UMPS: variants seen among roughly 807,000 people sequenced by gnomAD.
The protein encoded by UMPS is uridine monophosphate synthetase, also known as uridine 5'-monophosphate synthase.
Under a neutral mutation model 38.9 loss-of-function variants are expected in UMPS, and 21 were observed. The ratio of observed to expected loss-of-function variants is 0.54; its 90% confidence interval spans 0.38 to 0.78. UMPS has a LOEUF of 0.78. Among genes scored for constraint, UMPS ranks in the 30% least tolerant of loss-of-function variants. The pLI, the probability that UMPS is intolerant of heterozygous loss-of-function variation, is 0.00. For synonymous variants in UMPS, 208 were observed against 219.3 expected (o/e 0.95, Z 0.45); for missense variants, 533 against 591.6 (o/e 0.90, Z 1.03).
Position 124,746,218 on chromosome 3 carries a change from A to G in UMPS, c.*2134A>G, listed in dbSNP as rs1368789550. ...ATTTCACAGGACCCCTGCTAAGGTGATTTGAGGGGAAATGAGAGGAGGCTC... is the reference window on the plus strand; with the variant it reads ...ATTTCACAGGACCCCTGCTAAGGTGGTTTGAGGGGAAATGAGAGGAGGCTC... On this transcript the variant is annotated 3_prime_UTR_variant, in exon 6 of 6. Coordinates refer to ENST00000232607, the MANE Select transcript of UMPS (RefSeq NM_000373.4). 2.2e-6 allele frequency: 1 copy of G among 453,944 alleles called. No homozygotes were observed. Among genetic ancestry groups the G allele is most frequent in the Non-Finnish European group, 4.4e-6 (1 of 226,786 alleles). The allele number at this position is 453,944 out of a possible 1,614,324, so 28.1% of individuals were successfully genotyped here. A position where few individuals can be genotyped will look rare whatever the true frequency, so the allele number is the denominator to read the frequency against.
intron 4 of UMPS, among the ~76,000 whole-genome samples, chr3:124,741,769 C>T (rs138658615): frequency 1.5e-3 from 234 of 151,998 alleles, no homozygotes; most frequent in Non-Finnish European, 2.8e-3. Flanking sequence ...TGGTTTATTG[C>T]GGGAAGGGAA....
At position 124,747,055 on chromosome 3, in the gene UMPS, T is replaced by C. The variant is rs1245157837; in HGVS notation, c.*2971T>C. 2 of 453,844 alleles carry C rather than the reference T, an allele frequency of 4.4e-6. No homozygotes were observed. The highest frequency in any genetic ancestry group is 1.4e-4 in the East Asian group (2 of 14,382). 28.1% of individuals were successfully genotyped at this position (453,844 alleles called of 1,614,324 possible). The stretch of plus-strand genomic sequence containing the variant: ...AGGGTCTTCACTCTGTTGCCCAGGC[T>C]GGAGTATATCATGGCTCACTGCAAC... On this transcript the variant is annotated 3_prime_UTR_variant, in exon 6 of 6. Transcript: ENST00000232607.
Position 124,749,199 on chromosome 3 carries a change from ATGT to A in UMPS, c.*5118_*5120del, listed in dbSNP as rs777004495. The A allele has an allele frequency of 6.6e-6, 3 of 454,000 alleles. No homozygotes were observed. The highest frequency in any genetic ancestry group is 4.7e-5 in the South Asian group (3 of 64,462). 28.1% of individuals were successfully genotyped at this position (454,000 alleles called of 1,614,324 possible). A position where few individuals can be genotyped will look rare whatever the true frequency, so the allele number is the denominator to read the frequency against. On this transcript the variant is annotated 3_prime_UTR_variant, in exon 6 of 6. Coordinates refer to ENST00000232607, the MANE Select transcript of UMPS (RefSeq NM_000373.4). ...TGAATAGATACTTGAAGCAGAGATG[ATGT>A]TGAGTTAAAAAAAATATATACATAA...
In UMPS at chr3:124,748,470, AAGTTCAAGGTTTTGGC is replaced by A. The variant is rs1319394538; in HGVS notation, c.*4388_*4403del. 2.2e-6 allele frequency: 1 copy of A among 453,784 alleles called. No homozygotes were observed. Among genetic ancestry groups the A allele is most frequent in the Non-Finnish European group, 4.4e-6 (1 of 226,752 alleles). 28.1% of individuals were successfully genotyped at this position (453,784 alleles called of 1,614,324 possible). A position where few individuals can be genotyped will look rare whatever the true frequency, so the allele number is the denominator to read the frequency against. ...TAATTAGAATATTTTTTAACTTCTAAAGTTCAAGGTTTTGGCATAAGTCTGGTTTAGAAGCACATTT... is the reference window on the plus strand; with the variant it reads ...TAATTAGAATATTTTTTAACTTCTAAATAAGTCTGGTTTAGAAGCACATTT... On this transcript the variant is annotated 3_prime_UTR_variant, in exon 6 of 6. Transcript: ENST00000232607.
At position 124,748,164 on chromosome 3, in the gene UMPS, A is replaced by G. The variant is rs1367482689; in HGVS notation, c.*4080A>G. ...AGGCTGGTCTCGAACTCCTTAGCTCAAGTGATCCTCCTGCCTTGGCTTCCC... is the reference window on the plus strand; with the variant it reads ...AGGCTGGTCTCGAACTCCTTAGCTCGAGTGATCCTCCTGCCTTGGCTTCCC... On this transcript the variant is annotated 3_prime_UTR_variant, in exon 6 of 6. Coordinates refer to ENST00000232607, the MANE Select transcript of UMPS (RefSeq NM_000373.4). 4 of 450,560 alleles carry G rather than the reference A, an allele frequency of 8.9e-6. No homozygotes were observed. The highest frequency in any genetic ancestry group is 2.0e-5 in the African/African-American group (1 of 49,728). 27.9% of individuals were successfully genotyped at this position (450,560 alleles called of 1,614,324 possible).
intron 2 of UMPS, among the ~76,000 whole-genome samples, chr3:124,736,542 ATCC>A (rs2063519886): frequency 6.6e-6 from 1 of 152,034 alleles, no homozygotes; most frequent in African/African-American, 2.4e-5. Context: ...GTCTCAAGCC[ATCC>A]TCCTGCCTCA....
At chr3:124,731,476 G>C (rs1317644556) in intron 1 of UMPS, 1 of 437,376 alleles carries the variant, frequency 2.3e-6, no homozygotes, top group East Asian at 7.2e-5. Flanking sequence ...TCAATCGCTT[G>C]TGTTATTATT....
In UMPS at chr3:124,748,550, C is replaced by G. The variant is rs562604361; in HGVS notation, c.*4466C>G. 5 of 454,114 alleles carry G rather than the reference C, an allele frequency of 1.1e-5. No individual in the cohort carries two copies. The Admixed American group carries it at 1.2e-4, about 11-fold the overall frequency. The allele number at this position is 454,114 out of a possible 1,614,324, so 28.1% of individuals were successfully genotyped here. ...CTTCCCACCAAGGGGGAAAGTCTTC[C>G]TCTAGACAAGAGGCAGAGGGCTCCT... On this transcript the variant is annotated 3_prime_UTR_variant, in exon 6 of 6. Coordinates refer to ENST00000232607, the MANE Select transcript of UMPS (RefSeq NM_000373.4).
intron 1 of UMPS, among the ~76,000 whole-genome samples, chr3:124,734,758 C>T (rs1272302392): frequency 6.6e-6 from 1 of 152,152 alleles, no homozygotes; most frequent in African/African-American, 2.4e-5. Flanking sequence ...CAGTGGCTCA[C>T]GCCTGTAATC....
rs991074482 is a variant in UMPS, at chr3:124,747,458, C to CT, written c.*3375dup. 2 of 454,020 alleles carry CT rather than the reference C, an allele frequency of 4.4e-6. No homozygotes were observed. Among genetic ancestry groups the CT allele is most frequent in the African/African-American group, 4.0e-5 (2 of 50,002 alleles). The allele number at this position is 454,020 out of a possible 1,614,324, so 28.1% of individuals were successfully genotyped here. A position where few individuals can be genotyped will look rare whatever the true frequency, so the allele number is the denominator to read the frequency against. The stretch of plus-strand genomic sequence containing the variant: ...CCAGTTCCGAGCCTGAACCCAAACT[C>CT]TCGTGTTTCTGCTCACCCCTCTCTG... On this transcript the variant is annotated 3_prime_UTR_variant, in exon 6 of 6. Coordinates refer to ENST00000232607, the MANE Select transcript of UMPS (RefSeq NM_000373.4).
rs1460528504 is a variant in UMPS at position 124,746,800 on chromosome 3, TGC to T, written c.*2724_*2725del. ...GTGTGTGTGTGTGTGTGTGTGTGCA[TGC>T]GCGCGCGTGCGCACTGGAGGAACCT... On this transcript the variant is annotated 3_prime_UTR_variant, in exon 6 of 6. Coordinates refer to ENST00000232607, the MANE Select transcript of UMPS (RefSeq NM_000373.4). The T allele has an allele frequency of 6.5e-5, 29 of 448,448 alleles. No individual in the cohort carries two copies. The highest frequency in any genetic ancestry group is 5.3e-4 in the African/African-American group (26 of 49,088). 27.8% of individuals were successfully genotyped at this position (448,448 alleles called of 1,614,324 possible).
In UMPS at chr3:124,743,987, T is replaced by C. The variant is rs1221837348; in HGVS notation, c.1346T>C (p.Val449Ala). The C allele has an allele frequency of 2.5e-6, 4 of 1,614,248 alleles. No individual in the cohort carries two copies. The highest frequency in any genetic ancestry group is 2.2e-5 in the East Asian group (1 of 44,888). The part of the protein sequence containing the change: ...IGKRGSDIII[V>A]GRGIISAADR... Reference sequence around the variant, plus strand: ...AAACGAGGTTCCGATATCATCATTGTAGGTCGTGGCATAATCTCAGCAGCT... The same window carrying C: ...AAACGAGGTTCCGATATCATCATTGCAGGTCGTGGCATAATCTCAGCAGCT... Residue 449 changes from valine (V) to alanine (A), a missense_variant, in exon 6 of 6, where the codon GTA becomes GCA. Val to Ala is a moderately conservative substitution (Grantham distance 64). Transcript: ENST00000232607.
In UMPS at chr3:124,748,237, G is replaced by C. The variant is rs1367418292; in HGVS notation, c.*4153G>C. 2.2e-6 allele frequency: 1 copy of C among 453,756 alleles called. No homozygotes were observed. The highest frequency in any genetic ancestry group is 4.4e-6 in the Non-Finnish European group (1 of 226,766). The allele number at this position is 453,756 out of a possible 1,614,324, so 28.1% of individuals were successfully genotyped here. On this transcript the variant is annotated 3_prime_UTR_variant, in exon 6 of 6. Transcript: ENST00000232607. The stretch of plus-strand genomic sequence containing the variant: ...GAGCCACTGCTCCCGGCCTGTTGGA[G>C]TTCTTTACATTTATTTTATAATCAA...
rs915473714 is a variant in UMPS, at chr3:124,745,198, G to A, written c.*1114G>A. 7 of 454,004 alleles carry A rather than the reference G, an allele frequency of 1.5e-5. No homozygotes were observed. The highest frequency in any genetic ancestry group is 3.1e-5 in the Non-Finnish European group (7 of 226,792). 28.1% of individuals were successfully genotyped at this position (454,004 alleles called of 1,614,324 possible). Reference sequence around the variant, plus strand: ...AAAGAGAAAGCCCACATTCAAGGTGGTGTTTGAGCAGGGGCAGGGTGAGGG... The same window carrying A: ...AAAGAGAAAGCCCACATTCAAGGTGATGTTTGAGCAGGGGCAGGGTGAGGG... On this transcript the variant is annotated 3_prime_UTR_variant, in exon 6 of 6. Transcript: ENST00000232607.
chr3:124,748,079 AAC>A lies in UMPS; in HGVS notation c.*3997_*3998del, dbSNP rs1360224616. The A allele has an allele frequency of 1.0e-5, 4 of 389,088 alleles. No homozygotes were observed. The highest frequency in any genetic ancestry group is 8.3e-5 in the South Asian group (4 of 48,388). The allele number at this position is 389,088 out of a possible 1,614,324, so 24.1% of individuals were successfully genotyped here. A position where few individuals can be genotyped will look rare whatever the true frequency, so the allele number is the denominator to read the frequency against. On this transcript the variant is annotated 3_prime_UTR_variant, in exon 6 of 6. Coordinates refer to ENST00000232607, the MANE Select transcript of UMPS (RefSeq NM_000373.4). ...GTTATATTTTTAAAATATATATTTT[AAC>A]AGTTATATATATTAGATATAATATA... is the stretch of plus-strand genomic sequence containing the variant.
At position 124,746,407 on chromosome 3, in the gene UMPS, G is replaced by A; in HGVS notation, c.*2323G>A. On this transcript the variant is annotated 3_prime_UTR_variant, in exon 6 of 6. Coordinates refer to ENST00000232607, the MANE Select transcript of UMPS (RefSeq NM_000373.4). ...TGTTTCTGATTTGTATTTCTATTGT[G>A]AAGAGTCAGCCCAGTACTGCAGGCC... The A allele has an allele frequency of 2.2e-6, 1 of 454,120 alleles. No homozygotes were observed. The highest frequency in any genetic ancestry group is 4.4e-6 in the Non-Finnish European group (1 of 226,798). 28.1% of individuals were successfully genotyped at this position (454,120 alleles called of 1,614,324 possible). A position where few individuals can be genotyped will look rare whatever the true frequency, so the allele number is the denominator to read the frequency against.
In UMPS at chr3:124,734,786, C is replaced by T. The variant is rs1198260525; in HGVS notation, c.157-307C>T. On this transcript the variant is annotated intron_variant, in intron 1 of 5. Transcript: ENST00000232607. ...CTGTAATCCCAGCACTTTGGGAGGC[C>T]GAGGCAGGTGGATCACAAGGCCAAG... Among the ~76,000 whole-genome samples the T allele has an allele frequency of 7.9e-5, 12 of 152,062 alleles. No homozygotes were observed. In the East Asian group the frequency reaches 9.6e-4, roughly 12 times the overall value.
At chr3:124,732,535 C>T (rs1049240137) in intron 1 of UMPS, 6 of 154,832 alleles carry the variant, frequency 3.9e-5, no homozygotes, top group African/African-American at 1.2e-4. Context: ...CTGCAGACCA[C>T]ACTGAGTAGA....
In UMPS at chr3:124,740,050, G is replaced by A; in HGVS notation, c.1009G>A (p.Ala337Thr). 2.5e-6 allele frequency: 4 copies of A among 1,614,112 alleles called. No homozygotes were observed. Among genetic ancestry groups the A allele is most frequent in the Non-Finnish European group, 3.4e-6 (4 of 1,180,030 alleles). ...AGGTATCTTTAAAATAGCTTCCTGG[G>A]CAGATCTAGTAAATGCTCACGTGGT... ...EGGIFKIASW[A>T]DLVNAHVVPG... Residue 337 changes from alanine (A) to threonine (T), a missense_variant, in exon 4 of 6, where the codon GCA (alanine) becomes ACA (threonine). Physicochemically the swap from Ala to Thr is moderately conservative, Grantham distance 58. Transcript: ENST00000232607.
Sources: allele counts gnomAD v4.1 joint callset (sites outside exome capture counted in the v4.1 genomes callset), GRCh38; gene constraint gnomAD v4.1.1; transcripts MANE v1.5; gene names NCBI Gene and HGNC (gene_info 2026-07-23, HGNC 2026-07-21).